WFDC13: variants seen among roughly 807,000 people sequenced by gnomAD.
The protein encoded by WFDC13 is WAP four-disulfide core domain protein 13.
In WFDC13, 6 loss-of-function variants were observed where a neutral mutation model predicts 10.9. That is an observed-to-expected ratio of 0.55 (90% CI 0.30 to 1.09). The LOEUF (loss-of-function observed/expected upper bound fraction) is 1.09, where lower values mean the gene tolerates loss of function less well. WFDC13 is among the 50% of genes least tolerant of loss of function. WFDC13 has a pLI of 0.06. For synonymous variants in WFDC13, 38 were observed against 39.5 expected, an observed-to-expected ratio of 0.96 and a Z score of 0.14; for missense variants, 104 against 109.6, an observed-to-expected ratio of 0.95 and a Z score of 0.23.
At chr20:45,706,022 C>T (rs943815392) in intron 3 of WFDC13, 95 bp downstream of exon 3, 10 of 1,087,310 alleles carry the variant, frequency 9.2e-6, no homozygotes, top group South Asian at 2.7e-5. Context: ...TACATTCCCA[C>T]AAGCTCAGAA....
rs763956918 is a variant in WFDC13, at chr20:45,704,614, C to A, written c.239+20C>A. The A allele has an allele frequency of 8.1e-6, 13 of 1,612,320 alleles. No homozygotes were observed. The African/African-American group carries it at 1.2e-4, about 15-fold the overall frequency. On this transcript the variant is annotated intron_variant, in intron 2 of 3. Coordinates refer to ENST00000305479, the MANE Select transcript of WFDC13 (RefSeq NM_172005.2). ...CAACAGGTAAGAGATATCTCATATC[C>A]AGGTCTGATCCTAGAGCTGCTGGTG...
intron 2 of WFDC13, chr20:45,704,919 T>C (rs376699846): frequency 1.2e-6 from 2 of 1,614,078 alleles, no homozygotes. Context: ...ACACTGTACC[T>C]GCAGGTGTAA....
chr20:45,705,771 A>T, intron 2 of WFDC13, 92 bp from the exon 3 acceptor site: 1 of 1,221,762 alleles, frequency 8.2e-7, no homozygotes, highest in Non-Finnish European at 1.2e-6. Context: ...TTCATGGTCT[A>T]ATATTAATGG....
Position 45,705,931 on chromosome 20 carries a change from A to C in WFDC13, c.*22+4A>C, listed in dbSNP as rs2145646707. 1 of 1,613,598 alleles carries C rather than the reference A, an allele frequency of 6.2e-7. No individual in the cohort carries two copies. The highest frequency in any genetic ancestry group is 8.5e-7 in the Non-Finnish European group (1 of 1,179,658). On this transcript the variant is annotated splice_donor_region_variant and intron_variant, in intron 3 of 3. Transcript: ENST00000305479. ...GGCATATTTCCTAGATCATTTTGTA[A>C]GTACAGGGATTTGGTCTCGCCTTCC...
intron 2 of WFDC13, chr20:45,704,988 C>A (rs1357633352): frequency 1.9e-6 from 3 of 1,614,126 alleles, no homozygotes; most frequent in Admixed American, 3.3e-5. Context: ...TCACAAGACA[C>A]CATCCTTTGG....
chr20:45,702,114 C>T lies in WFDC13; in HGVS notation c.-10C>T. 1.2e-6 allele frequency: 2 copies of T among 1,611,978 alleles called. No individual in the cohort carries two copies. Among genetic ancestry groups the T allele is most frequent in the South Asian group, 2.2e-5 (2 of 90,400 alleles). On this transcript the variant is annotated 5_prime_UTR_variant, in exon 1 of 4. Coordinates refer to ENST00000305479, the MANE Select transcript of WFDC13 (RefSeq NM_172005.2). Reference sequence around the variant, plus strand: ...TTGGCCAGAACTTACTCACCCATCCCACTGACACCATGAAGCCTGTGCTGC... The same window carrying T: ...TTGGCCAGAACTTACTCACCCATCCTACTGACACCATGAAGCCTGTGCTGC...
Position 45,706,009 on chromosome 20 carries a change from C to T in WFDC13, c.*22+82C>T, listed in dbSNP as rs1033455720. On this transcript the variant is annotated intron_variant, in intron 3 of 3. Transcript: ENST00000305479. ...TTTCTTCCTGTAGCCTCACCAGGGG[C>T]ACTACATTCCCACAAGCTCAGAATG... The T allele has an allele frequency of 1.0e-5, 12 of 1,186,360 alleles. No individual in the cohort carries two copies. In the African/African-American group the frequency reaches 1.8e-4, roughly 18 times the overall value. 73.5% of individuals were successfully genotyped at this position (1,186,360 alleles called of 1,614,324 possible).
At chr20:45,706,676 G>A (rs1462287731) in intron 3 of WFDC13, among the ~76,000 whole-genome samples, 1 of 151,592 alleles carries the variant, frequency 6.6e-6, no homozygotes, top group Non-Finnish European at 1.5e-5. Flanking sequence ...GGAGGCTGAA[G>A]CAGGAGAATT....
Position 45,708,664 on chromosome 20 carries a change from T to A in WFDC13, c.*829T>A, listed in dbSNP as rs1488369045. 2.0e-5 allele frequency: 3 copies of A among 152,160 alleles called. No individual in the cohort carries two copies. The highest frequency in any genetic ancestry group is 7.2e-5 in the African/African-American group (3 of 41,436). The allele number at this position is 152,160 out of a possible 1,614,324, so 9.4% of individuals were successfully genotyped here. A position where few individuals can be genotyped will look rare whatever the true frequency, so the allele number is the denominator to read the frequency against. On this transcript the variant is annotated 3_prime_UTR_variant, in exon 4 of 4. Transcript: ENST00000305479. ...ATCAAAAATAATCAGCCATAAAATA[T>A]TAAAAAGGTATTATAAAGGTATTTA...
chr20:45,705,996 G>A, intron 3 of WFDC13, 69 bp downstream of exon 3: 1 of 1,355,144 alleles, frequency 7.4e-7, no homozygotes, highest in Non-Finnish European at 1.0e-6. Context: ...TCTTCCTGTA[G>A]CCTCACCAGG....
At position 45,704,599 on chromosome 20, in the gene WFDC13, G is replaced by A. The variant is rs1359883532; in HGVS notation, c.239+5G>A. On this transcript the variant is annotated splice_donor_5th_base_variant and intron_variant, in intron 2 of 3. Transcript: ENST00000305479. ...AACATTTCAAAAGCGCAACAGGTAA[G>A]AGATATCTCATATCCAGGTCTGATC... is the stretch of plus-strand genomic sequence containing the variant. The A allele has an allele frequency of 6.2e-7, 1 of 1,613,612 alleles. No individual in the cohort carries two copies. The highest frequency in any genetic ancestry group is 8.5e-7 in the Non-Finnish European group (1 of 1,179,858).
intron 2 of WFDC13, 80 bp downstream of exon 2, chr20:45,704,674 T>G: frequency 9.2e-6 from 14 of 1,528,288 alleles, no homozygotes; most frequent in Non-Finnish European, 1.2e-5. Context: ...CCAGCAACTG[T>G]GCTGGATCTC....
At chr20:45,702,808 C>T (rs756437600) in intron 1 of WFDC13, among the ~76,000 whole-genome samples, 11 of 152,240 alleles carry the variant, frequency 7.2e-5, no homozygotes, top group Non-Finnish European at 1.6e-4. Flanking sequence ...CAAAAGAGCT[C>T]TGGCTCTAGT....
chr20:45,704,376 C>A lies in WFDC13; in HGVS notation c.89-68C>A. ...GCAGGTTTCCTGGCAGTTCCCTGGG[C>A]TTTCTGAGTTCTGAACATTACTCCA... is the stretch of plus-strand genomic sequence containing the variant. On this transcript the variant is annotated intron_variant, in intron 1 of 3. Coordinates refer to ENST00000305479, the MANE Select transcript of WFDC13 (RefSeq NM_172005.2). 5.8e-6 allele frequency: 9 copies of A among 1,539,930 alleles called. No homozygotes were observed. The South Asian group carries it at 8.9e-5, about 15-fold the overall frequency.
chr20:45,704,320 A>C, intron 1 of WFDC13, 124 bp from the exon 2 acceptor site: 1 of 1,324,198 alleles, frequency 7.6e-7, no homozygotes, highest in Non-Finnish European at 1.0e-6. Context: ...TGATGCCACC[A>C]CCCTGGAACC....
chr20:45,705,786 A>C, intron 2 of WFDC13, 77 bp from the exon 3 acceptor site: 3 of 1,368,080 alleles, frequency 2.2e-6, no homozygotes, highest in Non-Finnish European at 2.0e-6. Flanking sequence ...TAATGGTGGA[A>C]GTAATTGAAA....
At chr20:45,704,639 G>A (rs1287544256) in intron 2 of WFDC13, 45 bp downstream of exon 2, 2 of 1,604,244 alleles carry the variant, frequency 1.2e-6, no homozygotes, top group South Asian at 1.1e-5. Flanking sequence ...AGCTGCTGGT[G>A]GGAGCCCAGC....
chr20:45,705,145 C>A (rs1984341130), intron 2 of WFDC13: 1 of 666,424 alleles, frequency 1.5e-6, no homozygotes. Flanking sequence ...CATATGGTTT[C>A]TAATCCCATC....
chr20:45,708,660 A>G lies in WFDC13; in HGVS notation c.*825A>G, dbSNP rs2145648435. 6.6e-6 allele frequency: 1 copy of G among 152,346 alleles called. No individual in the cohort carries two copies. The highest frequency in any genetic ancestry group is 1.9e-4 in the East Asian group (1 of 5,192). 9.4% of individuals were successfully genotyped at this position (152,346 alleles called of 1,614,324 possible). A position where few individuals can be genotyped will look rare whatever the true frequency, so the allele number is the denominator to read the frequency against. On this transcript the variant is annotated 3_prime_UTR_variant, in exon 4 of 4. Transcript: ENST00000305479. ...GACAATCAAAAATAATCAGCCATAA[A>G]ATATTAAAAAGGTATTATAAAGGTA...
Sources: gnomAD v4.1 joint callset for allele counts (sites outside exome capture counted in the v4.1 genomes callset) on GRCh38, gnomAD v4.1.1 for gene constraint, MANE v1.5 for transcripts, NCBI Gene and HGNC (gene_info 2026-07-23, HGNC 2026-07-21) for gene names.